Variants in WDR41 observed in about 807,000 individuals in gnomAD.
WDR41 encodes WD repeat-containing protein 41.
Under a neutral mutation model 69.3 loss-of-function variants are expected in WDR41, and 63 were observed. The ratio of observed to expected loss-of-function variants is 0.91; its 90% CI spans 0.74 to 1.12. WDR41 has a LOEUF of 1.12. WDR41 is among the 50% of genes most tolerant of loss of function. WDR41 has a pLI of 0.00. For synonymous variants in WDR41, 185 were observed against 192.1 expected, an observed-to-expected ratio of 0.96 and a Z score of 0.31; for missense variants, 543 against 534.5, an observed-to-expected ratio of 1.02 and a Z score of -0.16.
At chr5:77,508,816 G>C (rs1364736611) in intron 1 of WDR41, among the ~76,000 whole-genome samples, 1 of 102,464 alleles carries the variant, frequency 9.8e-6, no homozygotes, top group Non-Finnish European at 1.8e-5. Flanking sequence ...ACAGCGTGAA[G>C]CTTCTGTACT....
intron 1 of WDR41, among the ~76,000 whole-genome samples, chr5:77,498,572 G>A (rs151324108): frequency 0.018 from 2,807 of 152,078 alleles, 65 homozygotes; most frequent in African/African-American, 0.055. Context: ...TAATCCCAGC[G>A]CTTTGGGAGG....
intron 4 of WDR41, among the ~76,000 whole-genome samples, chr5:77,459,799 A>C (rs1008723469): frequency 6.6e-6 from 1 of 152,244 alleles, no homozygotes; most frequent in African/African-American, 2.4e-5. Context: ...CTAATTTCAC[A>C]AACTAGTTAA....
At chr5:77,615,295 A>G (rs1177610484) in intron 1 of WDR41, among the ~76,000 whole-genome samples, 1 of 152,218 alleles carries the variant, frequency 6.6e-6, no homozygotes, top group African/African-American at 2.4e-5. Flanking sequence ...AATACTAAAA[A>G]TATATCATTT....
At chr5:77,614,942 A>C (rs1482556973) in intron 1 of WDR41, among the ~76,000 whole-genome samples, 2 of 152,104 alleles carry the variant, frequency 1.3e-5, no homozygotes, top group Non-Finnish European at 2.9e-5. Context: ...AAGAGGGAAG[A>C]GAGAAGGAAA....
At chr5:77,465,850 T>G (rs1206966862) in intron 2 of WDR41, among the ~76,000 whole-genome samples, 1 of 151,944 alleles carries the variant, frequency 6.6e-6, no homozygotes, top group Non-Finnish European at 1.5e-5. Flanking sequence ...TTTTACCCCT[T>G]TATGAGATAA....
chr5:77,559,689 A>G (rs1196146825), intron 1 of WDR41, among the ~76,000 whole-genome samples: 1 of 150,994 alleles, frequency 6.6e-6, no homozygotes, highest in Non-Finnish European at 1.5e-5. Flanking sequence ...ATATAATGTT[A>G]TGTGTGTGTG....
chr5:77,477,402 A>G (rs1238457435), intron 2 of WDR41, among the ~76,000 whole-genome samples: 1 of 108,422 alleles, frequency 9.2e-6, no homozygotes, highest in Non-Finnish European at 1.7e-5. Flanking sequence ...CACCTATTCC[A>G]AAATTGACCA....
At chr5:77,597,128 AAAG>A (rs1205182795) in intron 1 of WDR41, among the ~76,000 whole-genome samples, 1 of 152,044 alleles carries the variant, frequency 6.6e-6, no homozygotes, top group East Asian at 1.9e-4. Flanking sequence ...GTCAAAAAAA[AAAG>A]AAGAAAAAGA....
At chr5:77,493,762 C>T (rs930584382), upstream of WDR41, among the ~76,000 whole-genome samples, 1 of 152,202 alleles carries the variant, frequency 6.6e-6, no homozygotes, top group Non-Finnish European at 1.5e-5. Flanking sequence ...AATATCTTCA[C>T]GTGAGACAAT....
intron 2 of WDR41, among the ~76,000 whole-genome samples, chr5:77,484,162 G>T (rs163036): frequency 0.59 from 89,550 of 152,020 alleles, 28,118 homozygotes; most frequent in African/African-American, 0.8. Context: ...AGCAATTACC[G>T]TTTCACTCAC....
At chr5:77,580,444 G>A (rs1743914866) in intron 1 of WDR41, among the ~76,000 whole-genome samples, 1 of 152,038 alleles carries the variant, frequency 6.6e-6, no homozygotes, top group South Asian at 2.1e-4. Flanking sequence ...TCTCCACCTG[G>A]TCCTGCCCTT....
intron 1 of WDR41, among the ~76,000 whole-genome samples, chr5:77,521,388 G>A (rs1471046681): frequency 1.3e-5 from 2 of 152,228 alleles, no homozygotes; most frequent in South Asian, 2.1e-4. Flanking sequence ...TGTGCAGCCC[G>A]GTTCCTAACA....
chr5:77,589,199 T>C (rs1744093581), intron 1 of WDR41, among the ~76,000 whole-genome samples: 1 of 152,198 alleles, frequency 6.6e-6, no homozygotes, highest in African/African-American at 2.4e-5. Flanking sequence ...GGTATGTGAA[T>C]TTGCAAATCT....
In WDR41 at chr5:77,489,492, A is replaced by G; in HGVS notation, c.132T>C (p.Asp44=). The change falls in exon 2 of 13, where the codon GAT becomes GAC. Residue 44 remains aspartate (D), a synonymous_variant. Transcript: ENST00000296679. The part of the protein sequence containing the change: ...TELLVLKAHH[D]IVRFLVQLDD... ...CTAACTGTACCAGAAATCGTACAAT[A>G]TCATGATGAGCCTTCAGTACTAGCA... 5 of 1,609,676 alleles carry G rather than the reference A, an allele frequency of 3.1e-6. No individual in the cohort carries two copies. Among genetic ancestry groups the G allele is most frequent in the Non-Finnish European group, 4.2e-6 (5 of 1,178,068 alleles).
At chr5:77,598,015 A>T (rs186662749) in intron 1 of WDR41, among the ~76,000 whole-genome samples, 1 of 152,346 alleles carries the variant, frequency 6.6e-6, no homozygotes, top group Admixed American at 6.5e-5. Flanking sequence ...TTAACCTCTC[A>T]GATAATCTCC....
intron 1 of WDR41, among the ~76,000 whole-genome samples, chr5:77,542,185 C>G (rs1327341015): frequency 1.3e-5 from 2 of 152,154 alleles, no homozygotes; most frequent in Admixed American, 1.3e-4. Context: ...AAACTAAATA[C>G]TACATGTTCT....
chr5:77,489,668 C>T, intron 1 of WDR41, 96 bp from the exon 2 acceptor site: 1 of 615,350 alleles, frequency 1.6e-6, no homozygotes, highest in South Asian at 2.6e-5. Flanking sequence ...CCATGGTATA[C>T]ATCTGAGAAC....
chr5:77,474,583 A>T (rs1446497922), intron 2 of WDR41, among the ~76,000 whole-genome samples: 1 of 152,210 alleles, frequency 6.6e-6, no homozygotes, highest in Non-Finnish European at 1.5e-5. Context: ...TGCTGACGCA[A>T]CCAATTCCTT....
intron 1 of WDR41, among the ~76,000 whole-genome samples, chr5:77,609,789 G>A (rs1410181041): frequency 2.0e-5 from 3 of 151,930 alleles, no homozygotes; most frequent in Admixed American, 6.6e-5. Context: ...CACCAGCAAC[G>A]GAACAAAGCT....
Sources: gnomAD v4.1 joint callset for allele counts (sites outside exome capture counted in the v4.1 genomes callset) on GRCh38, gnomAD v4.1.1 for gene constraint, MANE v1.5 for transcripts, NCBI Gene and HGNC (gene_info 2026-07-23, HGNC 2026-07-21) for gene names.